Variants in C2orf42 observed in about 807,000 individuals in gnomAD.
The protein encoded by C2orf42 is chromosome 2 open reading frame 42, also known as uncharacterized protein C2orf42.
Under a neutral mutation model 58.9 loss-of-function variants are expected in C2orf42, and 44 were observed. That is an observed-to-expected ratio of 0.75 (90% CI 0.59 to 0.96). The LOEUF (loss-of-function observed/expected upper bound fraction) is 0.96, where lower values mean the gene tolerates loss of function less well. Among genes scored for constraint, C2orf42 ranks in the 40% least tolerant of loss-of-function variants. The pLI is 0.00. For missense variants in C2orf42, 630 were observed against 699.2 expected (o/e 0.90, Z 1.12); for synonymous variants, 239 against 265.4 (o/e 0.90, Z 0.97).
chr2:70,189,878 A>G (rs1293774898), intron 1 of C2orf42, among the ~76,000 whole-genome samples: 2 of 151,664 alleles, frequency 1.3e-5, no homozygotes, highest in East Asian at 3.9e-4. Context: ...AAAAAAAGAT[A>G]CACTGTGGAG....
intron 4 of C2orf42, 51 bp from the exon 5 acceptor site, chr2:70,175,828 T>C (rs1428140812): frequency 9.1e-7 from 1 of 1,096,754 alleles, no homozygotes. Context: ...AAATATAAAT[T>C]GATTTGATGT....
intron 8 of C2orf42, among the ~76,000 whole-genome samples, chr2:70,161,539 C>T (rs7576391): frequency 0.22 from 33,764 of 151,938 alleles, 5,213 homozygotes; most frequent in African/African-American, 0.4. Context: ...CATGTATTTA[C>T]TTTTTTTAAG....
chr2:70,165,700 G>T, intron 6 of C2orf42, 65 bp from the exon 7 acceptor site: 1 of 856,624 alleles, frequency 1.2e-6, no homozygotes, highest in South Asian at 1.4e-5. Context: ...TGTACAGGGA[G>T]AGGTGAAAGA....
At chr2:70,164,292 ACT>A (rs1351174279) in intron 8 of C2orf42, among the ~76,000 whole-genome samples, 10 of 151,038 alleles carry the variant, frequency 6.6e-5, no homozygotes, top group Non-Finnish European at 1.3e-4. Context: ...ACAGAGTAAG[ACT>A]CTGTCCCAAA....
At chr2:70,160,441 C>A (rs987864960) in intron 9 of C2orf42, among the ~76,000 whole-genome samples, 184 bp downstream of exon 9, 3 of 152,102 alleles carry the variant, frequency 2.0e-5, no homozygotes, top group Non-Finnish European at 4.4e-5. Context: ...CAGCACCTGG[C>A]CTGTAATTTT....
chr2:70,182,289 G>GGGGTTTGACCATGTTGGCCA (rs1573033682), intron 2 of C2orf42: 1 of 244,842 alleles, frequency 4.1e-6, no homozygotes, highest in East Asian at 9.6e-5. Flanking sequence ...TAGTAGAGAT[G>GGGGTTTGACCATGTTGGCCA]GGGTTTGACC....
chr2:70,162,316 G>GCTTT (rs756227877), intron 8 of C2orf42, among the ~76,000 whole-genome samples: 3 of 142,278 alleles, frequency 2.1e-5, no homozygotes, highest in Admixed American at 6.8e-5. Flanking sequence ...AGCCTCTTTT[G>GCTTT]CTTTCTTTCT....
Position 70,179,545 on chromosome 2 carries a change from CT to C in C2orf42, c.920del (p.Lys307ArgfsTer9). The C allele has an allele frequency of 6.8e-7, 1 of 1,466,444 alleles. No individual in the cohort carries two copies. Among genetic ancestry groups the C allele is most frequent in the Non-Finnish European group, 9.5e-7 (1 of 1,048,836 alleles). 90.8% of individuals were successfully genotyped at this position (1,466,444 alleles called of 1,614,324 possible). On this transcript the variant is annotated frameshift_variant, in exon 4 of 10. Coordinates refer to ENST00000264434, the MANE Select transcript of C2orf42 (RefSeq NM_017880.3). LOFTEE classifies it high-confidence loss of function. ...CCAGACTCTTACCAGATACTTCATC[CT>C]TTCTCCTCTTCTTTGACTTAGAGGC... ...STASKSKKRR[K>X]DEVSGAQMNS...
At chr2:70,178,153 C>T (rs1056520992) in intron 4 of C2orf42, among the ~76,000 whole-genome samples, 6 of 152,198 alleles carry the variant, frequency 3.9e-5, no homozygotes, top group Non-Finnish European at 8.8e-5. Flanking sequence ...TCTCTGTCTA[C>T]TAGTAAGTTT....
intron 1 of C2orf42, among the ~76,000 whole-genome samples, chr2:70,189,947 A>G (rs1032439384): frequency 6.6e-6 from 1 of 152,140 alleles, no homozygotes; most frequent in African/African-American, 2.4e-5. Context: ...TTAAAAGAAA[A>G]AAAAAAAGAC....
intron 6 of C2orf42, among the ~76,000 whole-genome samples, chr2:70,166,258 G>A (rs1572992687): frequency 6.6e-6 from 1 of 151,630 alleles, no homozygotes; most frequent in Non-Finnish European, 1.5e-5. Flanking sequence ...GGAGGCTGAG[G>A]TGGGAGGATC....
chr2:70,182,057 C>A (rs1261994917), intron 2 of C2orf42, 60 bp from the exon 3 acceptor site: 2 of 773,520 alleles, frequency 2.6e-6, no homozygotes, highest in African/African-American at 1.8e-5. Context: ...AAGTTAAAAT[C>A]ACTTATGATA....
At chr2:70,177,132 T>C (rs1674243445) in intron 4 of C2orf42, among the ~76,000 whole-genome samples, 1 of 151,520 alleles carries the variant, frequency 6.6e-6, no homozygotes, top group African/African-American at 2.4e-5. Context: ...ATTAGCTGGG[T>C]GTGGTGGCGA....
At chr2:70,164,394 C>A (rs140871718) in intron 8 of C2orf42, among the ~76,000 whole-genome samples, 1,591 of 151,926 alleles carry the variant, frequency 0.01, 13 homozygotes, top group Admixed American at 0.012. Context: ...GCCTTGTAAT[C>A]CCAGCAGTTT....
intron 9 of C2orf42, among the ~76,000 whole-genome samples, chr2:70,151,867 C>A (rs1672335476): frequency 6.6e-6 from 1 of 151,972 alleles, no homozygotes; most frequent in Non-Finnish European, 1.5e-5. Flanking sequence ...ACTGCAACCT[C>A]CACCTCCTGG....
chr2:70,179,234 G>A (rs1674388521), intron 4 of C2orf42, among the ~76,000 whole-genome samples: 2 of 151,724 alleles, frequency 1.3e-5, no homozygotes, highest in South Asian at 4.2e-4. Flanking sequence ...TCAATGGAGA[G>A]TAAAACTTTT....
intron 4 of C2orf42, among the ~76,000 whole-genome samples, chr2:70,178,073 A>G (rs1326717332): frequency 6.6e-6 from 1 of 152,174 alleles, no homozygotes; most frequent in African/African-American, 2.4e-5. Flanking sequence ...ACAAAAAAAC[A>G]CACAAACTTT....
chr2:70,159,124 G>A (rs1259113508), intron 9 of C2orf42, among the ~76,000 whole-genome samples: 2 of 142,706 alleles, frequency 1.4e-5, no homozygotes, highest in Non-Finnish European at 3.1e-5. Flanking sequence ...CTGACCTTGT[G>A]ATCCGCCTGT....
At position 70,173,267 on chromosome 2, in the gene C2orf42, C is replaced by CTTTTT. The variant is rs202063318; in HGVS notation, c.1039+2401_1039+2405dup. Reference sequence around the variant, plus strand: ...CCTAGAATGCCTAAGTGCGTAAGTTCTTTTTTTTTTTTTTTTTTTTTTTTG... The same window carrying CTTTTT: ...CCTAGAATGCCTAAGTGCGTAAGTTCTTTTTTTTTTTTTTTTTTTTTTTTTTTTTG... On this transcript the variant is annotated intron_variant, in intron 5 of 9. Transcript: ENST00000264434. Among the ~76,000 whole-genome samples the CTTTTT allele has an allele frequency of 1.2e-3, 111 of 95,702 alleles. 2 individuals are homozygous for CTTTTT. Among genetic ancestry groups the CTTTTT allele is most frequent in the African/African-American group, 2.7e-3 (57 of 21,390 alleles). The allele number at this position is 95,702 out of a possible 152,430, so 62.8% of individuals were successfully genotyped here.
Sources: gnomAD v4.1 joint callset for allele counts (sites outside exome capture counted in the v4.1 genomes callset) on GRCh38, gnomAD v4.1.1 for gene constraint, MANE v1.5 for transcripts, NCBI Gene and HGNC (gene_info 2026-07-23, HGNC 2026-07-21) for gene names.